Variants in UGT1A5 observed in about 807,000 individuals in gnomAD.
UGT1A5 encodes UDP glucuronosyltransferase family 1 member A5, also known as UDP-glucuronosyltransferase 1A5.
In UGT1A5, 29 loss-of-function variants were observed where a neutral mutation model predicts 40.3. The observed-to-expected ratio is 0.72, with a 90% CI of 0.54 to 0.98. UGT1A5 has a LOEUF of 0.98. Ranked by LOEUF, UGT1A5 falls within the 50% of genes least tolerant of loss-of-function variation. The probability of loss-of-function intolerance (pLI) is 0.00; values close to 1 mark genes in which losing one functional copy is unlikely to be tolerated. For synonymous variants in UGT1A5, 257 were observed against 262.5 expected, an observed-to-expected ratio of 0.98 and a Z score of 0.20; for missense variants, 678 against 677.9, an observed-to-expected ratio of 1.00 and a Z score of 0.00.
chr2:233,757,904 G>A (rs539067389), intron 1 of UGT1A5, among the ~76,000 whole-genome samples: 3 of 152,170 alleles, frequency 2.0e-5, no homozygotes, highest in African/African-American at 4.8e-5. Context: ...TTCCATGGAC[G>A]TGTCACTCTT....
intron 1 of UGT1A5, chr2:233,718,931 T>C (rs1174557586): frequency 1.9e-6 from 3 of 1,614,130 alleles, no homozygotes; most frequent in Admixed American, 1.7e-5. Context: ...TGCCCACTGA[T>C]GGCAGCCCCT....
At chr2:233,743,452 GA>G (rs1692298839) in intron 1 of UGT1A5, 1 of 1,365,542 alleles carries the variant, frequency 7.3e-7, no homozygotes, top group Non-Finnish European at 9.8e-7. Flanking sequence ...ATCAAAAGAA[GA>G]AAAAACACCC....
At chr2:233,746,652 G>C (rs889917694) in intron 1 of UGT1A5, among the ~76,000 whole-genome samples, 17 of 151,768 alleles carry the variant, frequency 1.1e-4, no homozygotes, top group African/African-American at 3.7e-4. Context: ...TTGGCTTTCT[G>C]TCCCGAGTTC....
At chr2:233,718,852 G>T in intron 1 of UGT1A5, 2 of 1,613,718 alleles carry the variant, frequency 1.2e-6, no homozygotes, top group Non-Finnish European at 1.7e-6. Flanking sequence ...CCCCTGCCGC[G>T]GCTGGCCACA....
chr2:233,715,581 G>A (rs2076458979), intron 1 of UGT1A5, among the ~76,000 whole-genome samples: 1 of 151,966 alleles, frequency 6.6e-6, no homozygotes, highest in Non-Finnish European at 1.5e-5. Flanking sequence ...AGAGCAGCCT[G>A]GGCAACATGC....
At chr2:233,730,142 AC>A in intron 1 of UGT1A5, 1 of 1,517,928 alleles carries the variant, frequency 6.6e-7, no homozygotes, top group East Asian at 2.4e-5. Context: ...AGTGAGATAA[AC>A]TGTTAAGGGG....
rs1559358887 is a variant in UGT1A5 at position 233,713,117 on chromosome 2, C to T, written c.126C>T (p.Leu42=). Residue 42 remains leucine, a synonymous_variant, in exon 1 of 5, where the codon CTC becomes CTT. Coordinates refer to ENST00000373414, the MANE Select transcript of UGT1A5 (RefSeq NM_019078.2). The part of the protein sequence containing the change: ...LVVPTDGSHW[L]SMREALRDLH... ...TGCCCACTGATGGCAGCCACTGGCT[C>T]AGCATGCGGGAGGCCTTGCGGGACC... is the stretch of plus-strand genomic sequence containing the variant. 6.2e-7 allele frequency: 1 copy of T among 1,614,102 alleles called. No individual in the cohort carries two copies. The highest frequency in any genetic ancestry group is 8.5e-7 in the Non-Finnish European group (1 of 1,180,034).
Position 233,754,852 on chromosome 2 carries a change from G to C in UGT1A5, c.868-12182G>C, listed in dbSNP as rs193246215. The C allele has an allele frequency of 1.8e-5, 24 of 1,345,428 alleles. No homozygotes were observed. In the Middle Eastern group the frequency reaches 8.4e-4, roughly 47 times the overall value. The allele number at this position is 1,345,428 out of a possible 1,614,324, so 83.3% of individuals were successfully genotyped here. ...GGAAATTCACTGAAGGCAGAGAAAA[G>C]GGGTGCAGACCCTCTGCTTCTGCTT... On this transcript the variant is annotated intron_variant, in intron 1 of 4. Coordinates refer to ENST00000373414, the MANE Select transcript of UGT1A5 (RefSeq NM_019078.2).
chr2:233,762,588 C>T lies in UGT1A5; in HGVS notation c.868-4446C>T, dbSNP rs557401720. On this transcript the variant is annotated intron_variant, in intron 1 of 4. Coordinates refer to ENST00000373414, the MANE Select transcript of UGT1A5 (RefSeq NM_019078.2). ...TCTAGTTCCCCACAGAGGAACATTA[C>T]AATTTGTATTCCAGGAGTTTTGTTG... is the stretch of plus-strand genomic sequence containing the variant. Among the ~76,000 whole-genome samples, 47 of 152,302 alleles carry T rather than the reference C, an allele frequency of 3.1e-4. No individual in the cohort carries two copies. In the Middle Eastern group the frequency reaches 0.014, roughly 44 times the overall value.
intron 1 of UGT1A5, chr2:233,729,935 T>A (rs2077953750): frequency 6.2e-7 from 1 of 1,613,974 alleles, no homozygotes; most frequent in African/African-American, 1.3e-5. Context: ...AGGCCAATCA[T>A]GCCCAACATG....
chr2:233,719,216 G>A (rs767651988), intron 1 of UGT1A5: 7 of 1,614,090 alleles, frequency 4.3e-6, no homozygotes, highest in East Asian at 4.5e-5. Context: ...TGGAGCTACT[G>A]CATAATGAGG....
intron 1 of UGT1A5, chr2:233,719,131 A>T: frequency 2.5e-6 from 4 of 1,614,200 alleles, no homozygotes; most frequent in Non-Finnish European, 3.4e-6. Flanking sequence ...TTTGAAACAG[A>T]ACATCTTCTG....
chr2:233,741,316 A>C (rs1691627687), intron 1 of UGT1A5, among the ~76,000 whole-genome samples: 7 of 151,556 alleles, frequency 4.6e-5, no homozygotes, highest in Admixed American at 4.6e-4. Context: ...ACACCAACTC[A>C]TTCTACTCTA....
At chr2:233,719,761 G>T in intron 1 of UGT1A5, 2 of 1,612,292 alleles carry the variant, frequency 1.2e-6, no homozygotes, top group Admixed American at 1.7e-5. Context: ...ACTTACAAGT[G>T]CTTCCATATC....
intron 1 of UGT1A5, among the ~76,000 whole-genome samples, chr2:233,730,257 A>C (rs1190299662): frequency 6.6e-6 from 1 of 152,082 alleles, no homozygotes; most frequent in Non-Finnish European, 1.5e-5. Flanking sequence ...ACTCATAGAG[A>C]CTGTTGGTTT....
In UGT1A5 at chr2:233,769,189, A is replaced by T. The variant is rs1281206912; in HGVS notation, c.1307+750A>T. Among the ~76,000 whole-genome samples, 1 of 152,188 alleles carries T rather than the reference A, an allele frequency of 6.6e-6. No homozygotes were observed. Among genetic ancestry groups the T allele is most frequent in the East Asian group, 1.9e-4 (1 of 5,202 alleles). On this transcript the variant is annotated intron_variant, in intron 4 of 4. Transcript: ENST00000373414. This position sits in a 1 kb window ranked among gnomAD's most constrained non-coding sequence, Gnocchi z 4.4. The stretch of plus-strand genomic sequence containing the variant: ...TGTCCATGGAGTTTATGAATGAAGG[A>T]GCTATAAGATATCACAGACAAAGTC...
intron 1 of UGT1A5, among the ~76,000 whole-genome samples, chr2:233,730,410 A>G (rs1377970337): frequency 1.3e-5 from 2 of 152,224 alleles, no homozygotes; most frequent in African/African-American, 4.8e-5. Flanking sequence ...ACAATTGTTG[A>G]CATGATAATT....
intron 1 of UGT1A5, chr2:233,756,116 T>G (rs939719556): frequency 6.6e-6 from 1 of 152,230 alleles, no homozygotes; most frequent in Non-Finnish European, 1.5e-5. Flanking sequence ...AGTTTTGACT[T>G]TGTAAAATTC....
chr2:233,752,847 A>C (rs1252913320), intron 1 of UGT1A5, among the ~76,000 whole-genome samples: 1 of 152,248 alleles, frequency 6.6e-6, no homozygotes, highest in East Asian at 1.9e-4. Context: ...GATATATCAA[A>C]ATTTGAACTT....
Sources: gnomAD v4.1 joint callset for allele counts (sites outside exome capture counted in the v4.1 genomes callset) on GRCh38, gnomAD v4.1.1 for gene constraint, Gnocchi (gnomAD v3.1) non-coding constraint, MANE v1.5 for transcripts, NCBI Gene and HGNC (gene_info 2026-07-23, HGNC 2026-07-21) for gene names.